Variants in NCKAP5 observed in about 807,000 individuals in gnomAD.
The protein encoded by NCKAP5 is nck-associated protein 5.
In NCKAP5, 92 loss-of-function variants were observed where a neutral mutation model predicts 167.0. The ratio of observed to expected loss-of-function variants is 0.55; its 90% CI spans 0.47 to 0.66. NCKAP5 has a LOEUF of 0.66. Among genes scored for constraint, NCKAP5 ranks in the 30% least tolerant of loss-of-function variants. The pLI is 0.00. For missense variants in NCKAP5, 2,378 were observed against 2,315.0 expected, an observed-to-expected ratio of 1.03 and a Z score of -0.56; for synonymous variants, 891 against 877.4, an observed-to-expected ratio of 1.02 and a Z score of -0.27.
chr2:133,083,919 T>C (rs75670198), intron 6 of NCKAP5, among the ~76,000 whole-genome samples: 1,566 of 152,258 alleles, frequency 0.01, 33 homozygotes, highest in African/African-American at 0.036. Flanking sequence ...TTTCTGACTA[T>C]CAGAGATATA....
At chr2:133,574,692 A>G in the NCKAP5 span, among the ~76,000 whole-genome samples, 23 of 147,260 alleles carry the variant, frequency 1.6e-4, no homozygotes, top group Admixed American at 2.8e-4. Context: ...CTGATATTTT[A>G]AGCTCCAGAA....
chr2:133,146,555 GT>G (rs1021681073), intron 5 of NCKAP5, among the ~76,000 whole-genome samples: 15 of 152,016 alleles, frequency 9.9e-5, no homozygotes, highest in African/African-American at 3.6e-4. Context: ...CAAATTATTT[GT>G]TCATCACATG....
At chr2:133,619,971 T>C in the NCKAP5 span, among the ~76,000 whole-genome samples, 1 of 152,104 alleles carries the variant, frequency 6.6e-6, no homozygotes, top group Non-Finnish European at 1.5e-5. Context: ...AACACAATTA[T>C]CAGCCAGAAA....
chr2:133,315,441 TCTC>T (rs1681534661), intron 3 of NCKAP5, among the ~76,000 whole-genome samples: 1 of 152,112 alleles, frequency 6.6e-6, no homozygotes, highest in East Asian at 1.9e-4. Flanking sequence ...AATAAATTGT[TCTC>T]CTTTGGCAGT....
the NCKAP5 span, among the ~76,000 whole-genome samples, chr2:133,610,205 C>A: frequency 6.6e-6 from 1 of 152,042 alleles, no homozygotes; most frequent in African/African-American, 2.4e-5. Flanking sequence ...GATTTCTGTT[C>A]AGAATTATAG....
intron 5 of NCKAP5, among the ~76,000 whole-genome samples, chr2:133,171,268 CTTAA>C (rs2084238130): frequency 6.6e-6 from 1 of 152,178 alleles, no homozygotes; most frequent in African/African-American, 2.4e-5. Flanking sequence ...CCATTACATG[CTTAA>C]TTAAAGATTC....
chr2:133,070,092 A>G (rs187130113), intron 6 of NCKAP5, among the ~76,000 whole-genome samples: 2 of 152,264 alleles, frequency 1.3e-5, no homozygotes, highest in Admixed American at 6.5e-5. Flanking sequence ...AAACTCTGGA[A>G]CTGATATTCA....
chr2:132,705,638 G>A (rs935465812), intron 19 of NCKAP5, among the ~76,000 whole-genome samples: 3 of 151,924 alleles, frequency 2.0e-5, no homozygotes, highest in Admixed American at 6.6e-5. Context: ...ATCATGATGT[G>A]TTCACCTCCA....
chr2:133,454,971 T>C (rs1691756978), intron 3 of NCKAP5, among the ~76,000 whole-genome samples: 1 of 152,102 alleles, frequency 6.6e-6, no homozygotes, highest in Admixed American at 6.6e-5. Context: ...ATTGGCATGA[T>C]ATACTCAACT....
chr2:132,682,966 C>A (rs1351064674), intron 19 of NCKAP5, among the ~76,000 whole-genome samples: 1 of 151,364 alleles, frequency 6.6e-6, no homozygotes, highest in East Asian at 1.9e-4. Flanking sequence ...CTCACTTCAA[C>A]CTCCACCTCC....
At chr2:133,038,946 A>G (rs1000130518) in intron 6 of NCKAP5, among the ~76,000 whole-genome samples, 6 of 152,178 alleles carry the variant, frequency 3.9e-5, no homozygotes, top group Non-Finnish European at 8.8e-5. Flanking sequence ...GACTGCAAAA[A>G]TGTCCAAAAA....
intron 10 of NCKAP5, among the ~76,000 whole-genome samples, chr2:132,864,411 T>C (rs1169092958): frequency 2.0e-5 from 3 of 152,074 alleles, no homozygotes; most frequent in Admixed American, 6.5e-5. Flanking sequence ...CTGTTTTCCT[T>C]GCACTCTTCA....
chr2:133,019,462 G>T (rs1247249782), intron 6 of NCKAP5, among the ~76,000 whole-genome samples: 1 of 152,130 alleles, frequency 6.6e-6, no homozygotes, highest in African/African-American at 2.4e-5. Context: ...GGCCTGGCCT[G>T]CAGAGGACTC....
rs551386540 is a variant in NCKAP5 at position 133,358,075 on chromosome 2, C to T, written c.70-54965G>A. 4.6e-5 allele frequency among the ~76,000 whole-genome samples: 7 copies of T among 152,298 alleles called. No homozygotes were observed. In the East Asian group the frequency reaches 7.7e-4, roughly 17 times the overall value. On this transcript the variant is annotated intron_variant, in intron 3 of 19. Transcript: ENST00000409261. The stretch of plus-strand genomic sequence containing the variant: ...CTCCCATTAAGACTTATCAAGTCTC[C>T]TCTAGGAGGTATTTAAAATGGCCTT...
intron 6 of NCKAP5, among the ~76,000 whole-genome samples, chr2:133,046,759 A>T (rs768179746): frequency 6.6e-6 from 1 of 152,194 alleles, no homozygotes; most frequent in Non-Finnish European, 1.5e-5. Flanking sequence ...GGCAATAGGC[A>T]AAGCATTGCC....
At chr2:132,725,583 C>T (rs1346519055) in intron 19 of NCKAP5, 44 bp downstream of exon 19, 14 of 1,575,168 alleles carry the variant, frequency 8.9e-6, no homozygotes, top group Non-Finnish European at 9.4e-6. Context: ...AGCGGCTTCC[C>T]AGAGAGAGGA....
rs368156107 is a variant in NCKAP5 at position 133,303,028 on chromosome 2, T to G, written c.143+9A>C. ...TGAGCAAGCAAATAAGAACATGAATTGAACTCACCTCCAGAGACTCCTGTG... is the reference window on the plus strand; with the variant it reads ...TGAGCAAGCAAATAAGAACATGAATGGAACTCACCTCCAGAGACTCCTGTG... On this transcript the variant is annotated intron_variant, in intron 4 of 19. Transcript: ENST00000409261. 3.1e-6 allele frequency: 5 copies of G among 1,591,228 alleles called. No homozygotes were observed. The South Asian group carries it at 4.6e-5, about 15-fold the overall frequency.
At position 133,081,298 on chromosome 2, in the gene NCKAP5, A is replaced by T. The variant is rs181552461; in HGVS notation, c.341+48680T>A. On this transcript the variant is annotated intron_variant, in intron 6 of 19. Coordinates refer to ENST00000409261, the MANE Select transcript of NCKAP5 (RefSeq NM_207363.3). ...AGAGTTCTATTTCTTCAAAAACTTG[A>T]ATGCTGATGTAAAAACTAAAGTGAA... is the stretch of plus-strand genomic sequence containing the variant. 3.5e-3 allele frequency among the ~76,000 whole-genome samples: 528 copies of T among 152,292 alleles called. 4 individuals carry two copies. Among genetic ancestry groups the T allele is most frequent in the African/African-American group, 0.011 (474 of 41,558 alleles).
At chr2:133,471,706 C>G (rs1679340106) in intron 3 of NCKAP5, among the ~76,000 whole-genome samples, 2 of 152,104 alleles carry the variant, frequency 1.3e-5, no homozygotes, top group Admixed American at 1.3e-4. Context: ...ATAGGCTAAA[C>G]TCCTCTTGCA....
Sources: allele counts gnomAD v4.1 joint callset (sites outside exome capture counted in the v4.1 genomes callset), GRCh38; gene constraint gnomAD v4.1.1; transcripts MANE v1.5; gene names NCBI Gene and HGNC (gene_info 2026-07-23, HGNC 2026-07-21).